Variants in BCL11B observed in about 807,000 individuals in gnomAD.
BCL11B encodes the protein BCL11 transcription factor B, also known as B-cell lymphoma/leukemia 11B.
Under a neutral mutation model 49.9 loss-of-function variants are expected in BCL11B, and 8 were observed. The ratio of observed to expected loss-of-function variants is 0.16; its 90% CI spans 0.09 to 0.29. The LOEUF (loss-of-function observed/expected upper bound fraction) is 0.29. Among genes scored for constraint, BCL11B ranks in the 10% least tolerant of loss-of-function variants. The pLI, the probability that BCL11B is intolerant of heterozygous loss-of-function variation, is 1.00. For synonymous variants in BCL11B, 739 were observed against 637.4 expected, an observed-to-expected ratio of 1.16 and a Z score of -2.40; for missense variants, 1,006 against 1,351.0, an observed-to-expected ratio of 0.74 and a Z score of 4.00.
intron 2 of BCL11B, among the ~76,000 whole-genome samples, chr14:99,251,112 A>T (rs778633214): frequency 3.3e-5 from 5 of 152,194 alleles, no homozygotes; most frequent in Non-Finnish European, 7.4e-5. Context: ...CTCAAGCTAC[A>T]GGGGTGGGCA....
In BCL11B at chr14:99,205,584, T is replaced by C. The variant is rs1887512153; in HGVS notation, c.640+25761A>G. Among the ~76,000 whole-genome samples, 1 of 152,084 alleles carries C rather than the reference T, an allele frequency of 6.6e-6. No homozygotes were observed. Among genetic ancestry groups the C allele is most frequent in the South Asian group, 2.1e-4 (1 of 4,818 alleles). On this transcript the variant is annotated intron_variant, in intron 3 of 3. Coordinates refer to ENST00000357195, the MANE Select transcript of BCL11B (RefSeq NM_138576.4). This position sits in a 1 kb window ranked among gnomAD's most constrained non-coding sequence, Gnocchi z 5.0. ...TTGTGATGCCTGAGATGAGCTCCCTTTTCCAGAGGAGGAAAAAGGAGCCCA... is the reference window on the plus strand; with the variant it reads ...TTGTGATGCCTGAGATGAGCTCCCTCTTCCAGAGGAGGAAAAAGGAGCCCA...
At chr14:99,216,963 C>T (rs1020003211) in intron 3 of BCL11B, among the ~76,000 whole-genome samples, 7 of 152,146 alleles carry the variant, frequency 4.6e-5, no homozygotes, top group East Asian at 1.9e-4. Flanking sequence ...TCTGCACACA[C>T]GTGTGTGCAT....
chr14:99,253,530 G>A (rs890315380), intron 2 of BCL11B, among the ~76,000 whole-genome samples: 3 of 152,170 alleles, frequency 2.0e-5, no homozygotes, highest in African/African-American at 7.2e-5. Context: ...CATCATAAAT[G>A]TCACAATGAC....
At position 99,231,023 on chromosome 14, in the gene BCL11B, G is replaced by A. The variant is rs953965968; in HGVS notation, c.640+322C>T. Among the ~76,000 whole-genome samples, 7 of 152,278 alleles carry A rather than the reference G, an allele frequency of 4.6e-5. No individual in the cohort carries two copies. The highest frequency in any genetic ancestry group is 4.1e-4 in the South Asian group (2 of 4,820). On this transcript the variant is annotated intron_variant, in intron 3 of 3. Transcript: ENST00000357195. This position sits in a 1 kb window ranked among gnomAD's most constrained non-coding sequence, Gnocchi z 8.1. The stretch of plus-strand genomic sequence containing the variant: ...GGAGGGGGTGGCAGTGGCAAGGGCC[G>A]AAGAAAACCTCAGATGTTAAGTGTT...
At chr14:99,249,723 G>A (rs191571986) in intron 2 of BCL11B, among the ~76,000 whole-genome samples, 4 of 152,302 alleles carry the variant, frequency 2.6e-5, no homozygotes, top group African/African-American at 9.6e-5. Flanking sequence ...TCTATAAAGT[G>A]GGGCTGATAT....
intron 1 of BCL11B, among the ~76,000 whole-genome samples, chr14:99,265,472 C>A (rs1040601462): frequency 6.6e-6 from 1 of 152,116 alleles, no homozygotes; most frequent in Non-Finnish European, 1.5e-5. Flanking sequence ...CTCCCATTCC[C>A]TCCCCCATAT....
intron 2 of BCL11B, among the ~76,000 whole-genome samples, chr14:99,250,005 A>G (rs989481408): frequency 5.3e-5 from 8 of 150,866 alleles, no homozygotes; most frequent in Admixed American, 2.0e-4. Flanking sequence ...TGTAATCCCA[A>G]CTACTCAGGA....
intron 2 of BCL11B, among the ~76,000 whole-genome samples, chr14:99,254,952 C>T (rs1408814818): frequency 6.6e-6 from 1 of 152,158 alleles, no homozygotes; most frequent in African/African-American, 2.4e-5. Context: ...ATAAACAGGG[C>T]TTGTCTACAA....
At chr14:99,263,268 T>C (rs751119806) in intron 1 of BCL11B, 1 of 153,342 alleles carries the variant, frequency 6.5e-6, no homozygotes, top group Non-Finnish European at 1.5e-5. Context: ...GACAGATACA[T>C]ACCACAGCCA....
At chr14:99,266,852 T>C (rs1314735740) in intron 1 of BCL11B, among the ~76,000 whole-genome samples, 1 of 152,126 alleles carries the variant, frequency 6.6e-6, no homozygotes, top group Non-Finnish European at 1.5e-5. Flanking sequence ...CAACAGAGAA[T>C]GCAAAGCAAT....
chr14:99,269,527 A>C (rs200416085), intron 1 of BCL11B, among the ~76,000 whole-genome samples: 1,204 of 110,792 alleles, frequency 0.011, 20 homozygotes, highest in African/African-American at 0.042. Flanking sequence ...CCCCCCCCCC[A>C]AAAAAAATCA....
rs576785327 is a variant in BCL11B, at chr14:99,174,663, G to A, written c.2173C>T (p.Pro725Ser). The part of the protein sequence containing the change: ...YAASRHFMKD[P>S]FLGFTDARQS... Reference sequence around the variant, plus strand: ...CGTGCGTCCGTGAAGCCCAGGAAGGGGTCCTTCATGAAGTGCCGCGACGCC... The same window carrying A: ...CGTGCGTCCGTGAAGCCCAGGAAGGAGTCCTTCATGAAGTGCCGCGACGCC... The change falls in exon 4 of 4, where the codon CCC becomes TCC. Residue 725 changes from proline (P) to serine (S), a missense_variant. Physicochemically the swap from Pro to Ser is moderately conservative, Grantham distance 74. Around this residue, in one of 6 missense-constraint regions of BCL11B, gnomAD observed 443 missense variants for 499.7 expected, o/e 0.89. Transcript: ENST00000357195. The A allele has an allele frequency of 6.3e-7, 1 of 1,579,898 alleles. No individual in the cohort carries two copies. Among genetic ancestry groups the A allele is most frequent in the Non-Finnish European group, 8.6e-7 (1 of 1,166,096 alleles).
intron 3 of BCL11B, among the ~76,000 whole-genome samples, chr14:99,179,701 C>T (rs1205373029): frequency 6.6e-6 from 1 of 152,062 alleles, no homozygotes; most frequent in South Asian, 2.1e-4. Flanking sequence ...TCACTTCAGG[C>T]GATGGCCTCC....
chr14:99,199,700 GTGCA>G (rs1887315135), intron 3 of BCL11B, among the ~76,000 whole-genome samples: 1 of 62,022 alleles, frequency 1.6e-5, no homozygotes, highest in African/African-American at 4.1e-5. Flanking sequence ...GCGCGCGCAC[GTGCA>G]CGTGTGTGCG....
chr14:99,244,724 C>T (rs1015206755), intron 2 of BCL11B, among the ~76,000 whole-genome samples: 2 of 152,316 alleles, frequency 1.3e-5, no homozygotes, highest in South Asian at 4.1e-4. Context: ...CTTCAGATTC[C>T]TCTACCAGAA....
At chr14:99,261,682 G>A (rs1023060118) in intron 1 of BCL11B, among the ~76,000 whole-genome samples, 12 of 152,168 alleles carry the variant, frequency 7.9e-5, no homozygotes, top group Non-Finnish European at 1.3e-4. Flanking sequence ...CTCCCCAAGT[G>A]TCGGGCAGCC....
At chr14:99,181,756 G>T (rs1255240493) in intron 3 of BCL11B, among the ~76,000 whole-genome samples, 1 of 152,150 alleles carries the variant, frequency 6.6e-6, no homozygotes, top group African/African-American at 2.4e-5. Context: ...ACACCGAAGT[G>T]GCCAAATCCA....
At chr14:99,207,730 C>G (rs1298821631) in intron 3 of BCL11B, among the ~76,000 whole-genome samples, 1 of 152,334 alleles carries the variant, frequency 6.6e-6, no homozygotes, top group African/African-American at 2.4e-5. Context: ...CCCTCGGCTG[C>G]CTGGGGATGC....
Position 99,230,855 on chromosome 14 carries a change from T to G in BCL11B, c.640+490A>C, listed in dbSNP as rs968490406. 5.9e-5 allele frequency among the ~76,000 whole-genome samples: 9 copies of G among 152,158 alleles called. No individual in the cohort carries two copies. The East Asian group carries it at 1.7e-3, about 30-fold the overall frequency. On this transcript the variant is annotated intron_variant, in intron 3 of 3. Transcript: ENST00000357195. Reference sequence around the variant, plus strand: ...TTTAAGAGGCTCCTTTTGAGCCACTTTTTTTCTTTTTCAAAGCTAATGGGC... The same window carrying G: ...TTTAAGAGGCTCCTTTTGAGCCACTGTTTTTCTTTTTCAAAGCTAATGGGC...
Sources: gnomAD v4.1 joint callset for allele counts (sites outside exome capture counted in the v4.1 genomes callset) on GRCh38, gnomAD v4.1.1 for gene constraint, gnomAD v4.1.1 regional missense constraint, Gnocchi (gnomAD v3.1) non-coding constraint, MANE v1.5 for transcripts, NCBI Gene and HGNC (gene_info 2026-07-23, HGNC 2026-07-21) for gene names.